TAFA4: variants seen among roughly 807,000 people sequenced by gnomAD.
TAFA4 encodes the protein TAFA chemokine like family member 4.
A neutral mutation model predicts 21.1 loss-of-function variants in TAFA4; 20 were observed. That is an observed-to-expected ratio of 0.95 (90% CI 0.67 to 1.38). TAFA4 has a LOEUF of 1.38. Among genes scored for constraint, TAFA4 ranks in the 40% most tolerant of loss-of-function variants. The probability of loss-of-function intolerance (pLI) is 0.00; values close to 1 mark genes in which losing one functional copy is unlikely to be tolerated. For missense variants in TAFA4, 211 were observed against 180.9 expected, an observed-to-expected ratio of 1.17 and a Z score of -0.95; for synonymous variants, 71 against 67.4, an observed-to-expected ratio of 1.05 and a Z score of -0.26.
intron 3 of TAFA4, among the ~76,000 whole-genome samples, chr3:68,760,465 T>G (rs1355935259): frequency 6.6e-6 from 1 of 152,186 alleles, no homozygotes; most frequent in African/African-American, 2.4e-5. Context: ...TTTATGCTAT[T>G]ATTTCCCTTG....
At chr3:68,909,416 C>T (rs2089934397) in intron 1 of TAFA4, among the ~76,000 whole-genome samples, 1 of 152,196 alleles carries the variant, frequency 6.6e-6, no homozygotes, top group African/African-American at 2.4e-5. Context: ...TAGCACCTAA[C>T]ACAGTGCCTG....
rs116572826 is a variant in TAFA4 at position 68,787,841 on chromosome 3, C to T, written c.131-34823G>A. On this transcript the variant is annotated intron_variant, in intron 3 of 5. Transcript: ENST00000295569. ...CATGTTGTGTAATAAAGCTTCTAGA[C>T]GAGCACTCAAAACTAGCAACTTGTA... Among the ~76,000 whole-genome samples, 11 of 152,274 alleles carry T rather than the reference C, an allele frequency of 7.2e-5. No individual in the cohort carries two copies. The South Asian group carries it at 1.2e-3, about 17-fold the overall frequency.
At chr3:68,768,185 G>T (rs1162591886) in intron 3 of TAFA4, among the ~76,000 whole-genome samples, 1 of 152,054 alleles carries the variant, frequency 6.6e-6, no homozygotes, top group Non-Finnish European at 1.5e-5. Context: ...CCGCAGAATG[G>T]GAGAAAATAT....
At position 68,885,311 on chromosome 3, in the gene TAFA4, C is replaced by A; in HGVS notation, c.-122-1G>T. ...AAAAAATTATCGTAGCTCAGAAGAC[C>A]TATGTTAAAAAGGCCAAAAAAAAAA... On this transcript the variant is annotated splice_acceptor_variant, in intron 1 of 5. Transcript: ENST00000295569. LOFTEE classifies it low-confidence loss of function (5UTR_SPLICE). The A allele has an allele frequency of 1.3e-6, 1 of 789,834 alleles. No individual in the cohort carries two copies. The allele number at this position is 789,834 out of a possible 1,614,324, so 48.9% of individuals were successfully genotyped here.
intron 5 of TAFA4, among the ~76,000 whole-genome samples, chr3:68,735,045 G>A (rs1159964768): frequency 6.6e-6 from 1 of 152,034 alleles, no homozygotes; most frequent in Non-Finnish European, 1.5e-5. Context: ...ACGGATACAA[G>A]GCTACTAAGA....
chr3:68,924,832 A>G (rs1245486799), intron 1 of TAFA4, among the ~76,000 whole-genome samples: 2 of 152,200 alleles, frequency 1.3e-5, no homozygotes, highest in Non-Finnish European at 2.9e-5. Flanking sequence ...GTAAGATTTA[A>G]TTCCATTTAA....
chr3:68,815,670 G>T (rs1225095983), intron 3 of TAFA4, among the ~76,000 whole-genome samples: 1 of 152,198 alleles, frequency 6.6e-6, no homozygotes, highest in Non-Finnish European at 1.5e-5. Flanking sequence ...AACAACAGGT[G>T]CTGGAGAGGA....
intron 1 of TAFA4, among the ~76,000 whole-genome samples, chr3:68,900,084 A>C (rs865902979): frequency 0.067 from 2,318 of 34,700 alleles, 42 homozygotes; most frequent in East Asian, 0.23. Flanking sequence ...ACACACACAA[A>C]AAAAAAAAAA....
At chr3:68,741,447 G>A (rs957592483) in intron 4 of TAFA4, among the ~76,000 whole-genome samples, 2 of 152,014 alleles carry the variant, frequency 1.3e-5, no homozygotes, top group African/African-American at 4.8e-5. Context: ...ACTGAGTTTT[G>A]GATGTAGATT....
At chr3:68,866,447 C>G (rs973864250) in intron 3 of TAFA4, among the ~76,000 whole-genome samples, 2 of 151,768 alleles carry the variant, frequency 1.3e-5, no homozygotes, top group Non-Finnish European at 1.5e-5. Flanking sequence ...AAACATACCC[C>G]AGAAAGACCA....
In TAFA4 at chr3:68,732,497, C is replaced by T. The variant is rs966469378; in HGVS notation, c.*645G>A. On this transcript the variant is annotated 3_prime_UTR_variant, in exon 6 of 6. Transcript: ENST00000295569. ...AAAATGGTACATTGAAGTTAAAACGCTCTCATTTTATCTCTGCTAACTGGA... is the reference window on the plus strand; with the variant it reads ...AAAATGGTACATTGAAGTTAAAACGTTCTCATTTTATCTCTGCTAACTGGA... 6.7e-4 allele frequency: 102 copies of T among 152,418 alleles called. No homozygotes were observed. Among genetic ancestry groups the T allele is most frequent in the African/African-American group, 2.4e-3 (101 of 41,480 alleles). The allele number at this position is 152,418 out of a possible 1,614,324, so 9.4% of individuals were successfully genotyped here.
chr3:68,744,308 C>T (rs1702412286), intron 4 of TAFA4, among the ~76,000 whole-genome samples: 1 of 152,114 alleles, frequency 6.6e-6, no homozygotes, highest in Admixed American at 6.6e-5. Context: ...GCCCTGGACA[C>T]CCAGATTAGG....
chr3:68,907,086 T>C (rs560817990), intron 1 of TAFA4, among the ~76,000 whole-genome samples: 22 of 147,838 alleles, frequency 1.5e-4, no homozygotes, highest in African/African-American at 5.3e-4. Flanking sequence ...AAAGAACTCA[T>C]TGCTGTCTAA....
intron 3 of TAFA4, among the ~76,000 whole-genome samples, chr3:68,783,707 GAA>G (rs1217630245): frequency 3.3e-3 from 201 of 61,196 alleles, no homozygotes; most frequent in African/African-American, 0.01. Context: ...GAGAGAGAGA[GAA>G]AGAAAAAGAA....
chr3:68,861,592 A>C (rs2089345294), intron 3 of TAFA4, among the ~76,000 whole-genome samples: 1 of 152,028 alleles, frequency 6.6e-6, no homozygotes, highest in Non-Finnish European at 1.5e-5. Context: ...TAGTCAAAGC[A>C]CCCAAGGTGC....
In TAFA4 at chr3:68,733,839, C is replaced by T. The variant is rs146525291; in HGVS notation, c.412-686G>A. Among the ~76,000 whole-genome samples, 23 of 152,176 alleles carry T rather than the reference C, an allele frequency of 1.5e-4. No individual in the cohort carries two copies. The East Asian group carries it at 4.2e-3, about 28-fold the overall frequency. On this transcript the variant is annotated intron_variant, in intron 5 of 5. Transcript: ENST00000295569. ...TAGTCACCATACCCAGGCTTTAGACCCAATCAGCTATGTATGCAAACCTCA... is the reference window on the plus strand; with the variant it reads ...TAGTCACCATACCCAGGCTTTAGACTCAATCAGCTATGTATGCAAACCTCA...
At chr3:68,801,601 G>C (rs943171710) in intron 3 of TAFA4, among the ~76,000 whole-genome samples, 1 of 152,120 alleles carries the variant, frequency 6.6e-6, no homozygotes, top group African/African-American at 2.4e-5. Context: ...CACATCTATC[G>C]TGGCAATTCA....
chr3:68,808,459 G>A (rs527409511), intron 3 of TAFA4, among the ~76,000 whole-genome samples: 1 of 152,148 alleles, frequency 6.6e-6, no homozygotes, highest in South Asian at 2.1e-4. Context: ...TGACTATCTA[G>A]ACCCAACCTA....
rs979876512 is a variant in TAFA4, at chr3:68,848,932, C to A, written c.130+31798G>T. ...AATACTTCACCAAGGAGAATGCTAA[C>A]TTTAAAAAAAAAAATGTACCTAGCG... On this transcript the variant is annotated intron_variant, in intron 3 of 5. Coordinates refer to ENST00000295569, the MANE Select transcript of TAFA4 (RefSeq NM_182522.5). Among the ~76,000 whole-genome samples the A allele has an allele frequency of 5.2e-4, 61 of 117,716 alleles. 1 individual carries two copies. Among genetic ancestry groups the A allele is most frequent in the Admixed American group, 3.0e-3 (38 of 12,630 alleles). 77.2% of individuals were successfully genotyped at this position (117,716 alleles called of 152,430 possible).
Sources: allele counts gnomAD v4.1 joint callset (sites outside exome capture counted in the v4.1 genomes callset), GRCh38; gene constraint gnomAD v4.1.1; transcripts MANE v1.5; gene names NCBI Gene and HGNC (gene_info 2026-07-23, HGNC 2026-07-21).